The following USP54 variants were observed in gnomAD, a reference collection of about 807,000 sequenced individuals.
USP54 encodes ubiquitin specific peptidase 54, also known as ubiquitin carboxyl-terminal hydrolase 54.
In USP54, 87 loss-of-function variants were observed where a neutral mutation model predicts 170.5. The ratio of observed to expected loss-of-function variants is 0.51; its 90% CI spans 0.43 to 0.61. The LOEUF (loss-of-function observed/expected upper bound fraction) is 0.61, where lower values mean the gene tolerates loss of function less well. Among genes scored for constraint, USP54 ranks in the 20% least tolerant of loss-of-function variants. USP54 has a pLI of 0.00. For synonymous variants in USP54, 655 were observed against 742.8 expected (o/e 0.88, Z 1.92); for missense variants, 1,786 against 2,047.8 (o/e 0.87, Z 2.47).
chr10:73,520,798 G>A, intron 18 of USP54, 110 bp downstream of exon 18: 1 of 1,484,880 alleles, frequency 6.7e-7, no homozygotes. Context: ...GGGAGAGCAA[G>A]AGTGAGGAGA....
chr10:73,551,260 C>T (rs1363965359), intron 4 of USP54, among the ~76,000 whole-genome samples: 5 of 152,106 alleles, frequency 3.3e-5, no homozygotes, highest in Admixed American at 3.3e-4. Context: ...AGAGGCAGTG[C>T]CAGCAATACA....
intron 15 of USP54, among the ~76,000 whole-genome samples, chr10:73,527,937 C>T (rs550368746): frequency 6.6e-6 from 1 of 151,178 alleles, no homozygotes; most frequent in Non-Finnish European, 1.5e-5. Context: ...TTTTAATTCA[C>T]TAATCCATTC....
intron 3 of USP54, among the ~76,000 whole-genome samples, 168 bp from the exon 4 acceptor site, chr10:73,571,681 A>G (rs1413616905): frequency 2.6e-5 from 4 of 152,218 alleles, no homozygotes; most frequent in African/African-American, 7.2e-5. Flanking sequence ...TGAGGTATCT[A>G]ACAAGAAAAA....
At position 73,536,454 on chromosome 10, in the gene USP54, C is replaced by T; in HGVS notation, c.976-17G>A. 6.6e-7 allele frequency: 1 copy of T among 1,519,378 alleles called. No individual in the cohort carries two copies. Among genetic ancestry groups the T allele is most frequent in the South Asian group, 1.3e-5 (1 of 74,510 alleles). The allele number at this position is 1,519,378 out of a possible 1,614,324, so 94.1% of individuals were successfully genotyped here. ...GGGCCCAATCTGAACCAGAAACAAC[C>T]AGAAGAACATGACAATTATACTTTA... On this transcript the variant is annotated splice_polypyrimidine_tract_variant and intron_variant, in intron 10 of 23. Coordinates refer to ENST00000687698, the MANE Select transcript of USP54 (RefSeq NM_001391956.1).
intron 4 of USP54, 58 bp downstream of exon 4, chr10:73,571,363 G>A (rs1020643818): frequency 2.2e-5 from 31 of 1,430,708 alleles, no homozygotes; most frequent in Non-Finnish European, 2.9e-5. Context: ...AAACCACCTT[G>A]ATATTGACCA....
chr10:73,622,429 T>A (rs749632158), intron 1 of USP54, among the ~76,000 whole-genome samples: 8 of 152,010 alleles, frequency 5.3e-5, no homozygotes, highest in Non-Finnish European at 8.8e-5. Context: ...GTTCAAGCGA[T>A]TCTCCTGCCT....
intron 12 of USP54, among the ~76,000 whole-genome samples, chr10:73,533,729 C>T (rs1269937395): frequency 2.0e-5 from 3 of 152,190 alleles, no homozygotes; most frequent in African/African-American, 7.2e-5. Context: ...ATTTCTTCCT[C>T]TGACATGGGC....
At chr10:73,555,232 G>A (rs374931617) in intron 4 of USP54, among the ~76,000 whole-genome samples, 4 of 152,306 alleles carry the variant, frequency 2.6e-5, no homozygotes, top group African/African-American at 7.2e-5. Context: ...GAGAAGAGCT[G>A]GCTAGTTTCT....
chr10:73,540,496 G>C (rs1268913893), intron 9 of USP54, among the ~76,000 whole-genome samples: 1 of 151,938 alleles, frequency 6.6e-6, no homozygotes, highest in Non-Finnish European at 1.5e-5. Context: ...CATGAACCCA[G>C]GAAGCGGAGC....
At chr10:73,598,468 T>C (rs552495399) in intron 1 of USP54, among the ~76,000 whole-genome samples, 13 of 152,132 alleles carry the variant, frequency 8.5e-5, no homozygotes, top group Admixed American at 1.3e-4. Flanking sequence ...AATACATAAA[T>C]TGGACTTCAT....
intron 1 of USP54, among the ~76,000 whole-genome samples, chr10:73,609,992 A>T (rs1354617642): frequency 6.6e-6 from 1 of 150,854 alleles, no homozygotes; most frequent in African/African-American, 2.4e-5. Context: ...CCTTGGTGAT[A>T]GAGCAAGACT....
chr10:73,543,242 T>C (rs2067004417), intron 5 of USP54, 111 bp from the exon 6 acceptor site: 1 of 743,922 alleles, frequency 1.3e-6, no homozygotes, highest in South Asian at 1.9e-5. Context: ...GGTAGGAATA[T>C]TTTGATTTTT....
Position 73,530,174 on chromosome 10 carries a change from A to G in USP54, c.1797T>C (p.Tyr599=). The G allele has an allele frequency of 6.2e-7, 1 of 1,613,746 alleles. No individual in the cohort carries two copies. Among genetic ancestry groups the G allele is most frequent in the Non-Finnish European group, 8.5e-7 (1 of 1,179,980 alleles). ...CCTCAGAAAAGGGGCTAAGCTGGGTATAGCCACAGTGCTTCCTTTTGTCCT... is the reference window on the plus strand; with the variant it reads ...CCTCAGAAAAGGGGCTAAGCTGGGTGTAGCCACAGTGCTTCCTTTTGTCCT... The part of the protein sequence containing the change: ...FSKDKRKHCG[Y]TQLSPFSEDS... Residue 599 remains tyrosine, a synonymous_variant, in exon 14 of 24, where the codon TAT becomes TAC. Transcript: ENST00000687698.
chr10:73,539,311 T>A (rs1338253287), intron 10 of USP54, 133 bp downstream of exon 10: 52 of 285,152 alleles, frequency 1.8e-4, no homozygotes, highest in Admixed American at 3.2e-4. Context: ...AAAAAAAATA[T>A]ATATATATAT....
In USP54 at chr10:73,547,236, T is replaced by C. The variant is rs190100682; in HGVS notation, c.241-1564A>G. Among the ~76,000 whole-genome samples, 955 of 152,220 alleles carry C rather than the reference T, an allele frequency of 6.3e-3. 5 individuals carry two copies. Among genetic ancestry groups the C allele is most frequent in the Non-Finnish European group, 9.0e-3 (615 of 68,010 alleles). ...GGGCAACATGGTGAAACCCCGTCTC[T>C]ACTAAAAATACAAAACTTAGCCCAG... is the stretch of plus-strand genomic sequence containing the variant. On this transcript the variant is annotated intron_variant, in intron 4 of 23. Transcript: ENST00000687698.
At chr10:73,549,644 A>T (rs1040321973) in intron 4 of USP54, among the ~76,000 whole-genome samples, 1 of 152,006 alleles carries the variant, frequency 6.6e-6, no homozygotes, top group African/African-American at 2.4e-5. Flanking sequence ...CCACTCTCAA[A>T]TATATCTAGA....
At chr10:73,584,090 T>C (rs1036811582) in intron 1 of USP54, among the ~76,000 whole-genome samples, 1 of 152,122 alleles carries the variant, frequency 6.6e-6, no homozygotes, top group Non-Finnish European at 1.5e-5. Context: ...GATTGATTTA[T>C]AGGAAAAGAA....
chr10:73,517,595 T>C lies in USP54; in HGVS notation c.2831A>G (p.Gln944Arg). ...SSLSPESSAPQHSSPSRSALK... is the reference protein window; with the variant it reads ...SSLSPESSAPRHSSPSRSALK... The stretch of plus-strand genomic sequence containing the variant: ...GGCAGATCTACTGGGGGAGCTGTGC[T>C]GTGGGGCAGATGACTCTGGAGATAG... The change falls in exon 20 of 24, where the codon CAG becomes CGG. Residue 944 changes from glutamine (Q) to arginine (R), a missense_variant. Gln to Arg is a conservative substitution (Grantham distance 43). Around this residue, in one of 3 missense-constraint regions of USP54, gnomAD observed 1,418 missense variants for 1,569.0 expected, o/e 0.90. Coordinates refer to ENST00000687698, the MANE Select transcript of USP54 (RefSeq NM_001391956.1). The C allele has an allele frequency of 6.2e-7, 1 of 1,614,204 alleles. No homozygotes were observed.
At chr10:73,536,720 TAA>T (rs1466800082) in intron 10 of USP54, among the ~76,000 whole-genome samples, 4 of 152,206 alleles carry the variant, frequency 2.6e-5, no homozygotes, top group African/African-American at 4.8e-5. Flanking sequence ...AAAATAGGAA[TAA>T]AAGTCCTCAA....
Sources: allele counts gnomAD v4.1 joint callset (sites outside exome capture counted in the v4.1 genomes callset), GRCh38; gene constraint gnomAD v4.1.1; regional missense constraint gnomAD v4.1.1; transcripts MANE v1.5; gene names NCBI Gene and HGNC (gene_info 2026-07-23, HGNC 2026-07-21).